Variants in CNTNAP5 observed in about 807,000 individuals in gnomAD.
CNTNAP5 encodes contactin associated protein family member 5, also known as contactin-associated protein-like 5.
In CNTNAP5, 72 loss-of-function variants were observed where a neutral mutation model predicts 150.2. The observed-to-expected ratio is 0.48, with a 90% CI of 0.40 to 0.58. The LOEUF (loss-of-function observed/expected upper bound fraction) is 0.58. Ranked by LOEUF, CNTNAP5 falls within the 20% of genes least tolerant of loss-of-function variation. The pLI, the probability that CNTNAP5 is intolerant of heterozygous loss-of-function variation, is 0.00. For missense variants in CNTNAP5, 1,636 were observed against 1,626.2 expected (o/e 1.01, Z -0.10); for synonymous variants, 672 against 619.8 (o/e 1.08, Z -1.25).
At chr2:124,630,723 C>T (rs1217921207) in intron 12 of CNTNAP5, among the ~76,000 whole-genome samples, 1 of 152,044 alleles carries the variant, frequency 6.6e-6, no homozygotes, top group Admixed American at 6.6e-5. Flanking sequence ...GGAGTTCTGG[C>T]CAGGGCAATC....
chr2:124,219,797 G>T (rs566049649), intron 1 of CNTNAP5, among the ~76,000 whole-genome samples: 1 of 152,138 alleles, frequency 6.6e-6, no homozygotes, highest in East Asian at 1.9e-4. Flanking sequence ...GTGCTTTGAG[G>T]TATGTATGCA....
chr2:124,653,895 G>C (rs12999295), intron 13 of CNTNAP5, among the ~76,000 whole-genome samples: 55,508 of 108,876 alleles, frequency 0.51, 16,098 homozygotes, highest in Non-Finnish European at 0.6. Context: ...ACAGAAACAT[G>C]CCCCCACTGC....
chr2:124,118,142 T>C (rs1464963413), intron 1 of CNTNAP5, among the ~76,000 whole-genome samples: 1 of 152,170 alleles, frequency 6.6e-6, no homozygotes, highest in East Asian at 1.9e-4. Flanking sequence ...ATAAGGTTTG[T>C]TCATGATCAT....
chr2:124,321,435 C>A (rs1429851884), intron 3 of CNTNAP5, among the ~76,000 whole-genome samples: 2 of 134,874 alleles, frequency 1.5e-5, no homozygotes, highest in Non-Finnish European at 3.1e-5. Context: ...AAGAGCGAAA[C>A]TCTATCTCAA....
chr2:124,648,914 T>C (rs1678262226), intron 13 of CNTNAP5, among the ~76,000 whole-genome samples: 1 of 152,024 alleles, frequency 6.6e-6, no homozygotes, highest in East Asian at 1.9e-4. Flanking sequence ...GGGGAAAAAA[T>C]GGAGAATAAA....
intron 1 of CNTNAP5, among the ~76,000 whole-genome samples, chr2:124,101,679 T>A (rs951268222): frequency 6.6e-6 from 1 of 152,210 alleles, no homozygotes; most frequent in African/African-American, 2.4e-5. Flanking sequence ...AGTTGAAAAG[T>A]TATTTATTTC....
chr2:124,767,963 C>T (rs546587862), intron 16 of CNTNAP5, among the ~76,000 whole-genome samples: 5 of 152,300 alleles, frequency 3.3e-5, no homozygotes, highest in East Asian at 1.9e-4. Context: ...AGGCCACTCA[C>T]TTGGCCCCCA....
intron 1 of CNTNAP5, among the ~76,000 whole-genome samples, chr2:124,037,733 A>C (rs543141915): frequency 6.6e-5 from 10 of 152,328 alleles, no homozygotes; most frequent in African/African-American, 2.2e-4. Context: ...TTCACTTAGA[A>C]AGGCGGAATA....
chr2:124,549,746 C>T (rs912652191), intron 10 of CNTNAP5, among the ~76,000 whole-genome samples: 4 of 152,190 alleles, frequency 2.6e-5, no homozygotes, highest in African/African-American at 9.7e-5. Flanking sequence ...ATTTGAGAAT[C>T]GTTTGCATTT....
At chr2:124,440,861 G>T (rs548006641) in intron 5 of CNTNAP5, among the ~76,000 whole-genome samples, 13 of 151,740 alleles carry the variant, frequency 8.6e-5, no homozygotes, top group African/African-American at 2.4e-5. Flanking sequence ...TTTGTCTTAC[G>T]AAATTAGAAA....
At chr2:124,543,234 T>A (rs1165141054) in intron 10 of CNTNAP5, among the ~76,000 whole-genome samples, 3 of 152,148 alleles carry the variant, frequency 2.0e-5, no homozygotes, top group Non-Finnish European at 2.9e-5. Flanking sequence ...AGCAATGTAT[T>A]TGAGCAATGT....
chr2:124,263,238 T>C (rs1428130254), intron 3 of CNTNAP5, among the ~76,000 whole-genome samples: 1 of 152,182 alleles, frequency 6.6e-6, no homozygotes, highest in Admixed American at 6.5e-5. Flanking sequence ...TCTTCCACAA[T>C]GGTTGAACTA....
At chr2:124,777,774 GATGTGT>G (rs1558771621) in intron 17 of CNTNAP5, among the ~76,000 whole-genome samples, 4 of 104,770 alleles carry the variant, frequency 3.8e-5, no homozygotes, top group African/African-American at 1.4e-4. Flanking sequence ...AGAATGGAGG[GATGTGT>G]GTGTGTGTGT....
chr2:124,252,281 A>G (rs1919840), intron 3 of CNTNAP5, among the ~76,000 whole-genome samples: 57,379 of 152,074 alleles, frequency 0.38, 11,986 homozygotes, highest in African/African-American at 0.55. Flanking sequence ...TAATTTAAGG[A>G]AAGATCCTGT....
At chr2:124,176,413 T>G (rs1165147979) in intron 1 of CNTNAP5, among the ~76,000 whole-genome samples, 3 of 152,154 alleles carry the variant, frequency 2.0e-5, no homozygotes, top group Non-Finnish European at 4.4e-5. Flanking sequence ...CACCTTTACA[T>G]CAGGAAGCAC....
intron 1 of CNTNAP5, among the ~76,000 whole-genome samples, chr2:124,112,288 T>G (rs1425750301): frequency 2.0e-5 from 3 of 152,198 alleles, no homozygotes; most frequent in Non-Finnish European, 4.4e-5. Context: ...CTGAGTTGAC[T>G]ATTTGGACAA....
chr2:124,270,701 A>AAG (rs1553453846), intron 3 of CNTNAP5, among the ~76,000 whole-genome samples: 1 of 151,614 alleles, frequency 6.6e-6, no homozygotes, highest in Non-Finnish European at 1.5e-5. Context: ...GCTTGCGTGC[A>AAG]TGTGTGTGTG....
intron 12 of CNTNAP5, among the ~76,000 whole-genome samples, chr2:124,637,199 A>G (rs1291423463): frequency 6.6e-6 from 1 of 152,142 alleles, no homozygotes; most frequent in East Asian, 1.9e-4. Context: ...AGTGTCTACA[A>G]TTTGGAATTG....
intron 21 of CNTNAP5, among the ~76,000 whole-genome samples, chr2:124,892,987 G>T (rs1056183601): frequency 6.6e-6 from 1 of 152,140 alleles, no homozygotes; most frequent in Admixed American, 6.5e-5. Flanking sequence ...AAGGGTGTTT[G>T]ACTCTCTGGG....
Sources: allele counts gnomAD v4.1 joint callset (sites outside exome capture counted in the v4.1 genomes callset), GRCh38; gene constraint gnomAD v4.1.1; transcripts MANE v1.5; gene names NCBI Gene and HGNC (gene_info 2026-07-23, HGNC 2026-07-21).